The following LRIF1 variants were observed in gnomAD, a reference collection of about 807,000 sequenced individuals.
The protein encoded by LRIF1 is ligand dependent nuclear receptor interacting factor 1.
In LRIF1, 32 loss-of-function variants were observed where a neutral mutation model predicts 52.7. That is an observed-to-expected ratio of 0.61 (90% CI 0.46 to 0.82). The LOEUF is 0.82. Ranked by LOEUF, LRIF1 falls within the 40% of genes least tolerant of loss-of-function variation. The probability of loss-of-function intolerance (pLI) is 0.00; values close to 1 mark genes in which losing one functional copy is unlikely to be tolerated. For synonymous variants in LRIF1, 323 were observed against 317.4 expected (o/e 1.02, Z -0.19); for missense variants, 887 against 892.0 (o/e 0.99, Z 0.07).
rs143671539 is a variant in LRIF1, at chr1:110,951,321, T to C, written c.1563A>G (p.Ser521=). ...SSSVDATTVT[S]QQCVFRDQEP... ...CTTGGTCTCTGAAAACACACTGTTG[T>C]GAAGTAACAGTTGTTGCATCAACAG... is the stretch of plus-strand genomic sequence containing the variant. Residue 521 remains serine (S), a synonymous_variant, in exon 2 of 4, where the codon TCA becomes TCG. Coordinates refer to ENST00000369763, the MANE Select transcript of LRIF1 (RefSeq NM_018372.4). 1.9e-5 allele frequency: 30 copies of C among 1,613,888 alleles called. No individual in the cohort carries two copies. Among genetic ancestry groups the C allele is most frequent in the African/African-American group, 2.7e-5 (2 of 74,924 alleles).
the LRIF1 span, among the ~76,000 whole-genome samples, chr1:110,883,193 C>G: frequency 6.6e-6 from 1 of 151,732 alleles, no homozygotes; most frequent in African/African-American, 2.4e-5. Context: ...AATTCTATGC[C>G]CTTCATAAAT....
the LRIF1 span, among the ~76,000 whole-genome samples, chr1:110,892,090 T>C: frequency 1.3e-5 from 2 of 152,192 alleles, no homozygotes; most frequent in East Asian, 3.9e-4. Flanking sequence ...GTGAAGATAC[T>C]GTGTGGCTCA....
At chr1:110,945,454 C>T (rs1230374007), downstream of LRIF1, among the ~76,000 whole-genome samples, 1 of 141,572 alleles carries the variant, frequency 7.1e-6, no homozygotes, top group Non-Finnish European at 1.5e-5. Flanking sequence ...GAGACGGAGT[C>T]TCATTCTGTT....
At chr1:110,954,384 T>G (rs934486760) in intron 1 of LRIF1, among the ~76,000 whole-genome samples, 1 of 152,122 alleles carries the variant, frequency 6.6e-6, no homozygotes, top group Non-Finnish European at 1.5e-5. Context: ...GGGCTCAAGC[T>G]ATCCTTCTAC....
intron 1 of LRIF1, among the ~76,000 whole-genome samples, chr1:110,957,350 G>C (rs925444322): frequency 6.7e-6 from 1 of 149,122 alleles, no homozygotes; most frequent in Non-Finnish European, 1.5e-5. Context: ...GCAAGCGCCT[G>C]TAGTCCCAGC....
At chr1:110,934,997 A>C in the LRIF1 span, among the ~76,000 whole-genome samples, 5 of 151,942 alleles carry the variant, frequency 3.3e-5, no homozygotes, top group African/African-American at 1.2e-4. Context: ...AGAGAGAAAC[A>C]CTCTGCTTCT....
rs747482932 is a variant in LRIF1, at chr1:110,948,172, G to A, written c.2097C>T (p.Thr699=). Reference sequence around the variant, plus strand: ...AAGTGCCTTTCTCTTGCTTCTCATGGGTATAGTATTCCATCTCAGTTCTCT... The same window carrying A: ...AAGTGCCTTTCTCTTGCTTCTCATGAGTATAGTATTCCATCTCAGTTCTCT... ...QEKRTEMEYY[T]HEKQEKGTLN... is the part of the protein sequence containing the mutation. Residue 699 remains threonine (T), a synonymous_variant, in exon 4 of 4, where the codon ACC becomes ACT. Transcript: ENST00000369763. The A allele has an allele frequency of 1.2e-6, 2 of 1,613,938 alleles. No homozygotes were observed. The highest frequency in any genetic ancestry group is 1.1e-5 in the South Asian group (1 of 91,078).
chr1:110,945,842 T>G (rs1006181199), downstream of LRIF1, among the ~76,000 whole-genome samples: 1 of 152,208 alleles, frequency 6.6e-6, no homozygotes, highest in Non-Finnish European at 1.5e-5. Context: ...GACTGACAAT[T>G]GACTACTGAA....
At chr1:110,960,466 T>C (rs938438173) in intron 1 of LRIF1, among the ~76,000 whole-genome samples, 1 of 152,198 alleles carries the variant, frequency 6.6e-6, no homozygotes, top group African/African-American at 2.4e-5. Context: ...TAGCTCCCCA[T>C]TTGAATACAA....
chr1:110,885,728 G>A, the LRIF1 span, among the ~76,000 whole-genome samples: 1 of 151,726 alleles, frequency 6.6e-6, no homozygotes, highest in Non-Finnish European at 1.5e-5. Context: ...GCTGGGCGTG[G>A]TGGTGCATGC....
the LRIF1 span, among the ~76,000 whole-genome samples, chr1:110,919,075 G>T: frequency 2.0e-5 from 3 of 152,156 alleles, no homozygotes; most frequent in Non-Finnish European, 4.4e-5. Context: ...GTACCTACAA[G>T]TACCTGACAA....
At chr1:110,875,187 T>C in the LRIF1 span, among the ~76,000 whole-genome samples, 2 of 152,190 alleles carry the variant, frequency 1.3e-5, no homozygotes, top group Non-Finnish European at 2.9e-5. Flanking sequence ...AAGAAGTGTG[T>C]ACCTCCAGGC....
At chr1:110,891,021 C>T in the LRIF1 span, among the ~76,000 whole-genome samples, 2 of 152,264 alleles carry the variant, frequency 1.3e-5, no homozygotes, top group African/African-American at 2.4e-5. Context: ...ATTGACCAGT[C>T]CATCCCTGAC....
chr1:110,946,695 C>T (rs189246021), downstream of LRIF1, among the ~76,000 whole-genome samples: 325 of 125,302 alleles, frequency 2.6e-3, 1 homozygote, highest in African/African-American at 9.5e-3. Flanking sequence ...CTGGCTCTGT[C>T]GCCCAGGCTG....
chr1:110,928,434 C>T, the LRIF1 span, among the ~76,000 whole-genome samples: 1 of 152,118 alleles, frequency 6.6e-6, no homozygotes, highest in Non-Finnish European at 1.5e-5. Flanking sequence ...GTGAAGCAGC[C>T]TTCATGTGAC....
the LRIF1 span, among the ~76,000 whole-genome samples, chr1:110,906,354 A>G: frequency 3.3e-5 from 5 of 152,048 alleles, no homozygotes; most frequent in Non-Finnish European, 5.9e-5. Flanking sequence ...AAACCAGCCT[A>G]GTCAACATAG....
chr1:110,948,340 CTTCT>C lies in LRIF1; in HGVS notation c.1925_1928del (p.Lys642ArgfsTer12), dbSNP rs764241552. On this transcript the variant is annotated frameshift_variant, in exon 4 of 4. Transcript: ENST00000369763. LOFTEE classifies it high-confidence loss of function. The stretch of plus-strand genomic sequence containing the variant: ...CGTTATAAGCATTCTCTGTTTTTCT[CTTCT>C]TTATGTGATCCATCTTCTTATTAGT... 1.9e-6 allele frequency: 3 copies of C among 1,613,950 alleles called. No homozygotes were observed. Among genetic ancestry groups the C allele is most frequent in the Admixed American group, 1.7e-5 (1 of 60,016 alleles).
Position 110,947,227 on chromosome 1 carries a change from CTG to C in LRIF1, c.*730_*731del, listed in dbSNP as rs1337799150. 1 of 151,758 alleles carries C rather than the reference CTG, an allele frequency of 6.6e-6. No homozygotes were observed. The highest frequency in any genetic ancestry group is 1.5e-5 in the Non-Finnish European group (1 of 67,980). 9.4% of individuals were successfully genotyped at this position (151,758 alleles called of 1,614,324 possible). On this transcript the variant is annotated 3_prime_UTR_variant, in exon 4 of 4. Coordinates refer to ENST00000369763, the MANE Select transcript of LRIF1 (RefSeq NM_018372.4). ...GTTTAAGAAATATTAAATGTGATAA[CTG>C]TTCAGGATCTACTTTTTACACAATC...
At chr1:110,940,931 T>C in the LRIF1 span, 11 of 152,106 alleles carry the variant, frequency 7.2e-5, no homozygotes, top group Admixed American at 2.6e-4. Flanking sequence ...AGCATGACTC[T>C]AGTCAACAAT....
Sources: allele counts gnomAD v4.1 joint callset (sites outside exome capture counted in the v4.1 genomes callset), GRCh38; gene constraint gnomAD v4.1.1; transcripts MANE v1.5; gene names NCBI Gene and HGNC (gene_info 2026-07-23, HGNC 2026-07-21).